ARMC8: variants seen among roughly 807,000 people sequenced by gnomAD.
ARMC8 encodes armadillo repeat-containing protein 8.
ARMC8 carries 20 observed loss-of-function variants against 99.3 expected under a neutral mutation model. The ratio of observed to expected loss-of-function variants is 0.20; its 90% CI spans 0.14 to 0.29. ARMC8 has a LOEUF of 0.29. ARMC8 is among the 10% of genes least tolerant of loss of function. The pLI is 1.00. For missense variants in ARMC8, 569 were observed against 809.5 expected (o/e 0.70, Z 3.60); for synonymous variants, 263 against 278.3 (o/e 0.95, Z 0.55).
intron 1 of ARMC8, among the ~76,000 whole-genome samples, chr3:138,200,773 G>A (rs1262297162): frequency 6.6e-6 from 1 of 151,992 alleles, no homozygotes; most frequent in Non-Finnish European, 1.5e-5. Flanking sequence ...TAAGCACTTG[G>A]AAACAAAATA....
intron 12 of ARMC8, chr3:138,246,358 T>C (rs1186680638): frequency 1.0e-6 from 1 of 985,046 alleles, no homozygotes; most frequent in Non-Finnish European, 1.2e-6. Flanking sequence ...TTGGTACATC[T>C]AAGTTTTCAC....
chr3:138,261,168 C>T (rs1020582067), intron 12 of ARMC8, among the ~76,000 whole-genome samples: 1 of 152,180 alleles, frequency 6.6e-6, no homozygotes, highest in Non-Finnish European at 1.5e-5. Flanking sequence ...TTGGAAAACA[C>T]ACTACTATGA....
intron 15 of ARMC8, among the ~76,000 whole-genome samples, chr3:138,268,433 C>T (rs2048478991): frequency 6.6e-6 from 1 of 152,164 alleles, no homozygotes; most frequent in African/African-American, 2.4e-5. Context: ...CCAGTCACAG[C>T]TGGTGTACCA....
chr3:138,233,738 G>A (rs2046184435), intron 6 of ARMC8, among the ~76,000 whole-genome samples: 1 of 152,186 alleles, frequency 6.6e-6, no homozygotes, highest in South Asian at 2.1e-4. Context: ...GTTGTTACTT[G>A]CTTAAATAAT....
intron 2 of ARMC8, among the ~76,000 whole-genome samples, chr3:138,210,457 A>T (rs2044628778): frequency 6.6e-6 from 1 of 152,208 alleles, no homozygotes; most frequent in Non-Finnish European, 1.5e-5. Flanking sequence ...TTAAAAAATT[A>T]AGAGAAGCAA....
At chr3:138,261,172 A>G (rs2047704498) in intron 12 of ARMC8, among the ~76,000 whole-genome samples, 2 of 152,378 alleles carry the variant, frequency 1.3e-5, no homozygotes, top group East Asian at 1.9e-4. Context: ...AAAACACACT[A>G]CTATGACCCC....
intron 12 of ARMC8, chr3:138,263,468 T>C (rs552737015): frequency 5.3e-4 from 238 of 452,192 alleles, no homozygotes; most frequent in Admixed American, 5.8e-4. Flanking sequence ...GCAGTACTTA[T>C]ACCATTTAAT....
At chr3:138,285,645 A>G (rs1376625984) in intron 19 of ARMC8, among the ~76,000 whole-genome samples, 1 of 152,112 alleles carries the variant, frequency 6.6e-6, no homozygotes, top group Non-Finnish European at 1.5e-5. Flanking sequence ...CCTTCAGAGC[A>G]CTTAGCTCAG....
intron 14 of ARMC8, among the ~76,000 whole-genome samples, chr3:138,265,682 G>A (rs1011149878): frequency 1.3e-5 from 2 of 152,312 alleles, no homozygotes; most frequent in Non-Finnish European, 1.5e-5. Flanking sequence ...CATTATGTAT[G>A]GTATGTGTAG....
chr3:138,234,451 A>T (rs2046229105), intron 6 of ARMC8, among the ~76,000 whole-genome samples: 1 of 152,170 alleles, frequency 6.6e-6, no homozygotes, highest in African/African-American at 2.4e-5. Context: ...AGAAATATGG[A>T]AACCAAAACA....
intron 12 of ARMC8, among the ~76,000 whole-genome samples, chr3:138,248,895 C>T (rs2046999619): frequency 6.6e-6 from 1 of 152,156 alleles, no homozygotes; most frequent in African/African-American, 2.4e-5. Context: ...CGTATTGTAA[C>T]CTTCATTCCC....
At chr3:138,206,561 C>T (rs1446679765) in intron 1 of ARMC8, among the ~76,000 whole-genome samples, 1 of 152,234 alleles carries the variant, frequency 6.6e-6, no homozygotes, top group Non-Finnish European at 1.5e-5. Context: ...CAGTCTGCTC[C>T]TTCACCTTCT....
At chr3:138,207,002 C>T (rs1268060457) in intron 1 of ARMC8, among the ~76,000 whole-genome samples, 1 of 152,202 alleles carries the variant, frequency 6.6e-6, no homozygotes, top group Non-Finnish European at 1.5e-5. Context: ...AATTGTGGTC[C>T]ACCTATTGGT....
chr3:138,230,330 A>T (rs955131864), intron 6 of ARMC8, among the ~76,000 whole-genome samples: 12 of 152,148 alleles, frequency 7.9e-5, no homozygotes, highest in African/African-American at 2.7e-4. Context: ...GTTGAGGAAG[A>T]TGCTCCAGAA....
At chr3:138,189,988 AGTT>A (rs1171439459) in intron 1 of ARMC8, among the ~76,000 whole-genome samples, 2 of 152,158 alleles carry the variant, frequency 1.3e-5, no homozygotes, top group Non-Finnish European at 2.9e-5. Flanking sequence ...TGTATCTACC[AGTT>A]GTTAAGCTCT....
chr3:138,292,563 G>A (rs767139764), intron 21 of ARMC8, among the ~76,000 whole-genome samples: 1 of 152,192 alleles, frequency 6.6e-6, no homozygotes, highest in Non-Finnish European at 1.5e-5. Context: ...ATGTTAAAGA[G>A]AGGAAAGGAA....
chr3:138,196,171 G>A (rs2043724447), intron 1 of ARMC8, among the ~76,000 whole-genome samples: 1 of 152,156 alleles, frequency 6.6e-6, no homozygotes, highest in Non-Finnish European at 1.5e-5. Context: ...GGGAGACTAA[G>A]GAAAAGGAAA....
At chr3:138,209,769 G>A in intron 1 of ARMC8, 48 bp from the exon 2 acceptor site, 10 of 1,498,758 alleles carry the variant, frequency 6.7e-6, no homozygotes, top group Admixed American at 1.7e-5. Context: ...CTGTGAATTT[G>A]TGATTTGCAT....
At chr3:138,295,769 G>C in intron 21 of ARMC8, 90 bp from the exon 22 acceptor site, 1 of 1,465,494 alleles carries the variant, frequency 6.8e-7, no homozygotes, top group East Asian at 2.3e-5. Context: ...TACTTTTTTA[G>C]ACTTCCCCAG....
Sources: allele counts gnomAD v4.1 joint callset (sites outside exome capture counted in the v4.1 genomes callset), GRCh38; gene constraint gnomAD v4.1.1; transcripts MANE v1.5; gene names NCBI Gene and HGNC (gene_info 2026-07-23, HGNC 2026-07-21).